Variants in PARD3B observed in about 807,000 individuals in gnomAD.
PARD3B encodes partitioning defective 3 homolog B.
PARD3B carries 103 observed loss-of-function variants against 130.2 expected under a neutral mutation model. That is an observed-to-expected ratio of 0.79 (90% CI 0.67 to 0.93). The LOEUF is 0.93. Among genes scored for constraint, PARD3B ranks in the 40% least tolerant of loss-of-function variants. PARD3B has a pLI of 0.00. For missense variants in PARD3B, 1,609 were observed against 1,499.2 expected (o/e 1.07, Z -1.21); for synonymous variants, 583 against 553.2 (o/e 1.05, Z -0.76).
At chr2:205,103,383 T>TA (rs1180620664) in intron 4 of PARD3B, among the ~76,000 whole-genome samples, 40 of 147,518 alleles carry the variant, frequency 2.7e-4, no homozygotes, top group Non-Finnish European at 1.2e-4. Context: ...AAAATAAATA[T>TA]TTATATAAAT....
chr2:205,274,059 A>G lies in PARD3B; in HGVS notation c.2186-26471A>G, dbSNP rs1289092399. Among the ~76,000 whole-genome samples, 3 of 152,172 alleles carry G rather than the reference A, an allele frequency of 2.0e-5. No individual in the cohort carries two copies. The highest frequency in any genetic ancestry group is 7.2e-5 in the African/African-American group (3 of 41,444). Reference sequence around the variant, plus strand: ...GATTGGCTCCTGTTTTGTGTTATCCATATTATTAGCTCAGCTCATCTAGAT... The same window carrying G: ...GATTGGCTCCTGTTTTGTGTTATCCGTATTATTAGCTCAGCTCATCTAGAT... On this transcript the variant is annotated intron_variant, in intron 16 of 22. Coordinates refer to ENST00000406610, the MANE Select transcript of PARD3B (RefSeq NM_001302769.2). This position sits in a 1 kb window ranked among gnomAD's most constrained non-coding sequence, Gnocchi z 4.2.
chr2:204,872,241 AC>A (rs1376513926), intron 2 of PARD3B, among the ~76,000 whole-genome samples: 1 of 152,096 alleles, frequency 6.6e-6, no homozygotes, highest in African/African-American at 2.4e-5. Context: ...TTTTATACAT[AC>A]ACATTTTATA....
intron 20 of PARD3B, among the ~76,000 whole-genome samples, chr2:205,456,145 G>C (rs1421614930): frequency 1.3e-5 from 2 of 152,080 alleles, no homozygotes; most frequent in Non-Finnish European, 2.9e-5. Flanking sequence ...CTTCTGAGTA[G>C]TAACCCATGT....
At chr2:205,481,186 A>G (rs34207192) in intron 20 of PARD3B, among the ~76,000 whole-genome samples, 55,311 of 151,944 alleles carry the variant, frequency 0.36, 10,790 homozygotes, top group African/African-American at 0.5. Flanking sequence ...GATCTTAATT[A>G]TATTGTTTTT....
chr2:205,080,714 T>C (rs1701354687), intron 4 of PARD3B, among the ~76,000 whole-genome samples: 1 of 152,188 alleles, frequency 6.6e-6, no homozygotes, highest in Non-Finnish European at 1.5e-5. Flanking sequence ...ATACCAGTTT[T>C]CAAATAGCTA....
chr2:205,533,294 A>G (rs772794483), intron 21 of PARD3B, among the ~76,000 whole-genome samples: 5 of 152,210 alleles, frequency 3.3e-5, no homozygotes, highest in Non-Finnish European at 7.3e-5. Context: ...TGGTAGGAGG[A>G]ACACCCCAGT....
rs762358686 is a variant in PARD3B, at chr2:205,205,481, T to C, written c.2140+12161T>C. On this transcript the variant is annotated intron_variant, in intron 15 of 22. Coordinates refer to ENST00000406610, the MANE Select transcript of PARD3B (RefSeq NM_001302769.2). ...GCCCTGGCCAGAACTTCCAATACTA[T>C]GTTAAATAGGAGTGGTGAGAGAGGG... is the stretch of plus-strand genomic sequence containing the variant. 9.0e-4 allele frequency among the ~76,000 whole-genome samples: 137 copies of C among 152,290 alleles called. 1 individual carries two copies. The highest frequency in any genetic ancestry group is 1.5e-3 in the Non-Finnish European group (105 of 68,024).
intron 18 of PARD3B, among the ~76,000 whole-genome samples, chr2:205,392,344 G>A (rs1053054966): frequency 6.6e-6 from 1 of 152,174 alleles, no homozygotes; most frequent in African/African-American, 2.4e-5. Context: ...ACCAATTTCA[G>A]GGCCACATTC....
intron 20 of PARD3B, among the ~76,000 whole-genome samples, chr2:205,480,757 T>C (rs1575125566): frequency 6.6e-6 from 1 of 152,024 alleles, no homozygotes; most frequent in East Asian, 1.9e-4. Flanking sequence ...AAGGCAGACA[T>C]GGAGAAGTGA....
At chr2:204,575,967 A>G (rs1259883681) in intron 1 of PARD3B, among the ~76,000 whole-genome samples, 1 of 152,140 alleles carries the variant, frequency 6.6e-6, no homozygotes. Context: ...AGGTCCTGCC[A>G]TGTTAATTGA....
intron 21 of PARD3B, among the ~76,000 whole-genome samples, chr2:205,511,975 A>T (rs1224083617): frequency 1.3e-5 from 2 of 152,202 alleles, no homozygotes; most frequent in Non-Finnish European, 2.9e-5. Context: ...CTTATTAAGT[A>T]GTAACTAGTC....
intron 10 of PARD3B, among the ~76,000 whole-genome samples, chr2:205,126,645 C>T (rs2031440437): frequency 6.7e-6 from 1 of 149,062 alleles, no homozygotes. Context: ...ACTCGGGAGG[C>T]TGAGGCAGGA....
At chr2:204,777,380 G>A (rs1335781806) in intron 2 of PARD3B, among the ~76,000 whole-genome samples, 1 of 152,126 alleles carries the variant, frequency 6.6e-6, no homozygotes, top group Non-Finnish European at 1.5e-5. Context: ...GGGCTGTGGG[G>A]GTCAAGGAGT....
At chr2:204,621,668 C>G (rs1052408385) in intron 1 of PARD3B, among the ~76,000 whole-genome samples, 10 of 152,162 alleles carry the variant, frequency 6.6e-5, no homozygotes, top group African/African-American at 2.2e-4. Context: ...TTCTAGAAAC[C>G]TTTTATCTAG....
intron 18 of PARD3B, among the ~76,000 whole-genome samples, chr2:205,334,210 A>T (rs1467099648): frequency 6.6e-6 from 1 of 152,206 alleles, no homozygotes; most frequent in Non-Finnish European, 1.5e-5. Context: ...GTATGTGTGC[A>T]TGTGCTCGTG....
intron 18 of PARD3B, among the ~76,000 whole-genome samples, chr2:205,349,892 T>C (rs1296115434): frequency 1.3e-5 from 2 of 149,490 alleles, no homozygotes; most frequent in Admixed American, 6.8e-5. Context: ...TATCACTTGA[T>C]AGAGTGCAGA....
chr2:205,174,017 G>A (rs1470791263), intron 12 of PARD3B, among the ~76,000 whole-genome samples: 1 of 152,294 alleles, frequency 6.6e-6, no homozygotes, highest in South Asian at 2.1e-4. Flanking sequence ...AACTGCTGTA[G>A]CATAACATAC....
chr2:204,950,939 G>T (rs1056109097), intron 2 of PARD3B, among the ~76,000 whole-genome samples: 1 of 152,144 alleles, frequency 6.6e-6, no homozygotes, highest in Non-Finnish European at 1.5e-5. Flanking sequence ...AACTAGCAAG[G>T]TTCCACTGGG....
At chr2:205,286,487 C>T (rs2105856485) in intron 16 of PARD3B, among the ~76,000 whole-genome samples, 1 of 152,312 alleles carries the variant, frequency 6.6e-6, no homozygotes, top group East Asian at 1.9e-4. Flanking sequence ...CCCCACTGAA[C>T]ATGCCTCCTA....
Sources: gnomAD v4.1 joint callset for allele counts (sites outside exome capture counted in the v4.1 genomes callset) on GRCh38, gnomAD v4.1.1 for gene constraint, Gnocchi (gnomAD v3.1) non-coding constraint, MANE v1.5 for transcripts, NCBI Gene and HGNC (gene_info 2026-07-23, HGNC 2026-07-21) for gene names.